EYS: variants seen among roughly 807,000 people sequenced by gnomAD.
EYS encodes EGF-like photoreceptor maintenance factor, also known as protein eyes shut homolog.
In EYS, 250 loss-of-function variants were observed where a neutral mutation model predicts 282.1. The ratio of observed to expected loss-of-function variants is 0.89; its 90% confidence interval spans 0.80 to 0.98. The LOEUF (loss-of-function observed/expected upper bound fraction) is 0.98. EYS is among the 50% of genes least tolerant of loss of function. EYS has a pLI of 0.00. For synonymous variants in EYS, 1,355 were observed against 1,282.9 expected (o/e 1.06, Z -1.20); for missense variants, 4,016 against 3,709.0 (o/e 1.08, Z -2.15).
intron 5 of EYS, among the ~76,000 whole-genome samples, chr6:65,466,376 A>C (rs964187410): frequency 6.6e-6 from 1 of 152,178 alleles, no homozygotes; most frequent in Non-Finnish European, 1.5e-5. Flanking sequence ...GAAAGAAATA[A>C]ATCCTCAAAA....
chr6:64,050,617 AC>A (rs1770778894), intron 33 of EYS, among the ~76,000 whole-genome samples: 2 of 152,052 alleles, frequency 1.3e-5, no homozygotes, highest in South Asian at 4.2e-4. Context: ...CTCAAACTTG[AC>A]TTTCTGGGCA....
chr6:64,655,547 C>T (rs1162241059), intron 22 of EYS, among the ~76,000 whole-genome samples: 1 of 151,930 alleles, frequency 6.6e-6, no homozygotes, highest in African/African-American at 2.4e-5. Context: ...GGGAAACAGA[C>T]ATATCAATAA....
intron 36 of EYS, among the ~76,000 whole-genome samples, chr6:63,858,543 T>C (rs1554182532): frequency 6.6e-6 from 1 of 152,222 alleles, no homozygotes; most frequent in Non-Finnish European, 1.5e-5. Context: ...CCCTCAGTTC[T>C]TATGGAATAA....
intron 2 of EYS, among the ~76,000 whole-genome samples, chr6:65,538,488 T>C (rs906030471): frequency 2.0e-5 from 3 of 152,146 alleles, no homozygotes; most frequent in Non-Finnish European, 2.9e-5. Context: ...ATTACCTCAT[T>C]TAACCCTTAA....
At chr6:64,271,678 TTTTG>T (rs1767942045) in intron 30 of EYS, among the ~76,000 whole-genome samples, 1 of 148,168 alleles carries the variant, frequency 6.7e-6, no homozygotes, top group African/African-American at 2.5e-5. Flanking sequence ...TGAAATTGAT[TTTTG>T]TTTGGTGGGA....
chr6:64,253,660 A>G (rs1767296047), intron 30 of EYS, among the ~76,000 whole-genome samples: 2 of 152,076 alleles, frequency 1.3e-5, no homozygotes, highest in African/African-American at 2.4e-5. Flanking sequence ...GCCATCATCT[A>G]TGGGAGGGAT....
intron 12 of EYS, among the ~76,000 whole-genome samples, chr6:65,235,928 A>T (rs558783775): frequency 6.6e-6 from 1 of 152,224 alleles, no homozygotes; most frequent in African/African-American, 2.4e-5. Context: ...ATGTTACTTA[A>T]AATGTACAAA....
intron 5 of EYS, among the ~76,000 whole-genome samples, chr6:65,458,191 T>C (rs1764698449): frequency 6.6e-6 from 1 of 152,170 alleles, no homozygotes; most frequent in Admixed American, 6.6e-5. Flanking sequence ...TCATTCAAGA[T>C]ATCACTGTAA....
At chr6:64,303,865 TCAGGGTAGGGTTACGGCTGAAG>T (rs1554141641) in intron 30 of EYS, among the ~76,000 whole-genome samples, 1 of 132,760 alleles carries the variant, frequency 7.5e-6, no homozygotes, top group Non-Finnish European at 1.6e-5. Context: ...AAAAAAAGCC[TCAGGGTAGGGTTACGGCTGAAG>T]TCAGCCTAAT....
In EYS at chr6:65,232,719, G is replaced by A. The variant is rs986220051; in HGVS notation, c.2023+63144C>T. On this transcript the variant is annotated intron_variant, in intron 12 of 42. Transcript: ENST00000503581. Reference sequence around the variant, plus strand: ...TAATGCCTGTTTTCATTCCCATATAGAATACATTATACTATTTCCAAATTA... The same window carrying A: ...TAATGCCTGTTTTCATTCCCATATAAAATACATTATACTATTTCCAAATTA... Among the ~76,000 whole-genome samples, 3 of 152,102 alleles carry A rather than the reference G, an allele frequency of 2.0e-5. No homozygotes were observed. The South Asian group carries it at 6.2e-4, about 32-fold the overall frequency.
intron 8 of EYS, among the ~76,000 whole-genome samples, chr6:65,373,546 A>C (rs1181333944): frequency 6.6e-6 from 1 of 152,078 alleles, no homozygotes; most frequent in Non-Finnish European, 1.5e-5. Context: ...CACCTCAGAA[A>C]ACACATAAAA....
At chr6:64,648,766 G>T (rs71570689) in intron 22 of EYS, among the ~76,000 whole-genome samples, 49 of 152,172 alleles carry the variant, frequency 3.2e-4, no homozygotes, top group Non-Finnish European at 5.4e-4. Flanking sequence ...TTCTGGAGGG[G>T]GAAAAGTAGA....
intron 28 of EYS, among the ~76,000 whole-genome samples, chr6:64,396,558 A>T (rs1773385050): frequency 6.6e-6 from 1 of 152,026 alleles, no homozygotes; most frequent in Non-Finnish European, 1.5e-5. Context: ...TTTAGTATTG[A>T]CATTTAGATC....
chr6:65,382,837 A>G lies in EYS; in HGVS notation c.1299+1549T>C, dbSNP rs796494018. ...AGATGATTAGATGGTGCCCACCTAG[A>G]TTAAGGGTGGGTCTCCCTTCCCCAG... On this transcript the variant is annotated intron_variant, in intron 8 of 42. Transcript: ENST00000503581. Among the ~76,000 whole-genome samples the G allele has an allele frequency of 5.3e-5, 8 of 151,954 alleles. No individual in the cohort carries two copies. The South Asian group carries it at 1.2e-3, about 24-fold the overall frequency.
At chr6:64,524,792 T>A (rs1777865004) in intron 26 of EYS, among the ~76,000 whole-genome samples, 1 of 151,774 alleles carries the variant, frequency 6.6e-6, no homozygotes, top group South Asian at 2.1e-4. Context: ...TGTGTGGCCT[T>A]ATTTTTGGGC....
intron 8 of EYS, among the ~76,000 whole-genome samples, chr6:65,382,896 C>A (rs186031331): frequency 3.4e-4 from 52 of 152,118 alleles, no homozygotes; most frequent in African/African-American, 1.2e-3. Context: ...CCTTTGACAA[C>A]ACCCTCACAG....
In EYS at chr6:65,692,351, A is replaced by T. The variant is rs761639498; in HGVS notation, c.-448+14784T>A. 1.2e-4 allele frequency among the ~76,000 whole-genome samples: 18 copies of T among 150,140 alleles called. 1 individual carries two copies. The highest frequency in any genetic ancestry group is 8.0e-4 in the Admixed American group (12 of 14,912). On this transcript the variant is annotated intron_variant, in intron 1 of 42. Coordinates refer to ENST00000503581, the MANE Select transcript of EYS (RefSeq NM_001142800.2). ...TTACACTGAAGGAGTGAACTTCACCACTGTGCAATATAGCCATATAATAAT... is the reference window on the plus strand; with the variant it reads ...TTACACTGAAGGAGTGAACTTCACCTCTGTGCAATATAGCCATATAATAAT...
intron 33 of EYS, among the ~76,000 whole-genome samples, chr6:64,018,140 G>A (rs1447939339): frequency 6.6e-6 from 1 of 151,912 alleles, no homozygotes. Context: ...ATATATATAC[G>A]TATATGTATA....
chr6:64,275,148 G>C (rs1768067305), intron 30 of EYS, among the ~76,000 whole-genome samples: 3 of 152,208 alleles, frequency 2.0e-5, no homozygotes, highest in African/African-American at 4.8e-5. Flanking sequence ...TGGGGGAAAA[G>C]CAGAAATATC....
Sources: allele counts gnomAD v4.1 joint callset (sites outside exome capture counted in the v4.1 genomes callset), GRCh38; gene constraint gnomAD v4.1.1; transcripts MANE v1.5; gene names NCBI Gene and HGNC (gene_info 2026-07-23, HGNC 2026-07-21).